Variants in SULT1B1 observed in about 807,000 individuals in gnomAD.
The protein encoded by SULT1B1 is sulfotransferase family 1B member 1, also known as sulfotransferase 1B1.
A neutral mutation model predicts 34.6 loss-of-function variants in SULT1B1; 28 were observed. The observed-to-expected ratio is 0.81, with a 90% CI of 0.60 to 1.11. SULT1B1 has a LOEUF of 1.11. Among genes scored for constraint, SULT1B1 ranks in the 50% least tolerant of loss-of-function variants. The probability of loss-of-function intolerance (pLI) is 0.00; values close to 1 mark genes in which losing one functional copy is unlikely to be tolerated. For synonymous variants in SULT1B1, 147 were observed against 110.2 expected (o/e 1.33, Z -2.09); for missense variants, 374 against 352.2 (o/e 1.06, Z -0.50).
In SULT1B1 at chr4:69,730,530, T is replaced by G; in HGVS notation, c.749A>C (p.Asp250Ala). The G allele has an allele frequency of 6.2e-7, 1 of 1,609,578 alleles. No individual in the cohort carries two copies. The highest frequency in any genetic ancestry group is 8.5e-7 in the Non-Finnish European group (1 of 1,176,388). ...NYTHLPTTVM[D>A]HSKSPFMRKG... ...ACGCATAAAAGGGGATTTGCTATGA[T>G]CCATCACTGTAGTTGGTAGATGTGT... Residue 250 changes from aspartate (D) to alanine (A), a missense_variant, in exon 7 of 8, where the codon GAT becomes GCT. Physicochemically the swap from Asp to Ala is moderately radical, Grantham distance 126 (BLOSUM62 -2). Coordinates refer to ENST00000310613, the MANE Select transcript of SULT1B1 (RefSeq NM_014465.4).
rs547255424 is a variant in SULT1B1 at position 69,749,709 on chromosome 4, T to C, written c.375+12A>G. On this transcript the variant is annotated intron_variant, in intron 4 of 7. Transcript: ENST00000310613. ...GCCATACTAAAAAACTGACATGGAG[T>C]CTGGAGTATACCTTGCAATTGTTTT... The C allele has an allele frequency of 6.3e-7, 1 of 1,595,610 alleles. No homozygotes were observed. Among genetic ancestry groups the C allele is most frequent in the Non-Finnish European group, 8.6e-7 (1 of 1,163,722 alleles).
Position 69,733,394 on chromosome 4 carries a change from T to G in SULT1B1, c.597+19A>C, listed in dbSNP as rs747623899. The G allele has an allele frequency of 1.1e-5, 17 of 1,541,414 alleles. No homozygotes were observed. In the Admixed American group the frequency reaches 1.7e-4, roughly 15 times the overall value. On this transcript the variant is annotated intron_variant, in intron 6 of 7. Transcript: ENST00000310613. Reference sequence around the variant, plus strand: ...GATGCAGTGGGGAAATTATCCAGAATCCATATCTACCATTTTACCTCTTTC... The same window carrying G: ...GATGCAGTGGGGAAATTATCCAGAAGCCATATCTACCATTTTACCTCTTTC...
At chr4:69,756,998 C>T (rs1022472292) in intron 1 of SULT1B1, among the ~76,000 whole-genome samples, 1 of 151,674 alleles carries the variant, frequency 6.6e-6, no homozygotes, top group Non-Finnish European at 1.5e-5. Context: ...CACACACACA[C>T]AAAGTAATTT....
intron 4 of SULT1B1, among the ~76,000 whole-genome samples, chr4:69,742,121 T>C (rs1347128135): frequency 6.6e-6 from 1 of 152,220 alleles, no homozygotes; most frequent in Non-Finnish European, 1.5e-5. Flanking sequence ...TCTAATTTGT[T>C]GAAATGATTT....
chr4:69,759,117 C>T (rs978272577), intron 1 of SULT1B1, among the ~76,000 whole-genome samples: 10 of 152,170 alleles, frequency 6.6e-5, no homozygotes, highest in African/African-American at 2.2e-4. Context: ...ACAAATTGTA[C>T]TGATTGTGCT....
At chr4:69,747,949 G>T in intron 4 of SULT1B1, among the ~76,000 whole-genome samples, 1 of 151,900 alleles carries the variant, frequency 6.6e-6, no homozygotes, top group African/African-American at 2.4e-5. Flanking sequence ...GATTTTTTTG[G>T]AGTATGCCAG....
At chr4:69,758,621 A>G in intron 1 of SULT1B1, 1 of 270,492 alleles carries the variant, frequency 3.7e-6, no homozygotes, top group Non-Finnish European at 5.7e-6. Context: ...TTACTTACCA[A>G]CTCCTATAAT....
chr4:69,758,813 T>C (rs1719287889), intron 1 of SULT1B1, among the ~76,000 whole-genome samples: 1 of 152,202 alleles, frequency 6.6e-6, no homozygotes, highest in East Asian at 1.9e-4. Context: ...TCTTTATTTA[T>C]TCATCTTAAT....
chr4:69,759,481 T>C (rs73826841), intron 1 of SULT1B1, among the ~76,000 whole-genome samples: 11,284 of 152,178 alleles, frequency 0.074, 475 homozygotes, highest in African/African-American at 0.11. Flanking sequence ...AGTAGGAAGA[T>C]GAAAATAAGG....
At position 69,726,181 on chromosome 4, in the gene SULT1B1, T is replaced by A. The variant is rs1717832760; in HGVS notation, c.*907A>T. The A allele has an allele frequency of 6.7e-6, 1 of 149,600 alleles. No individual in the cohort carries two copies. The highest frequency in any genetic ancestry group is 1.5e-5 in the Non-Finnish European group (1 of 67,322). The allele number at this position is 149,600 out of a possible 1,614,324, so 9.3% of individuals were successfully genotyped here. ...TGGGTCAAGAGGGCAGAGTGGAGAT[T>A]CAGCCTAGAGAGTCTTCCTTGGGCA... On this transcript the variant is annotated 3_prime_UTR_variant, in exon 8 of 8. Coordinates refer to ENST00000310613, the MANE Select transcript of SULT1B1 (RefSeq NM_014465.4).
intron 1 of SULT1B1, chr4:69,760,129 AT>A: frequency 2.3e-6 from 1 of 443,910 alleles, no homozygotes; most frequent in Non-Finnish European, 3.0e-6. Flanking sequence ...GCATGAATGC[AT>A]GTGAGTAGGA....
Position 69,727,133 on chromosome 4 carries a change from C to T in SULT1B1, c.846G>A (p.Glu282=). ...AQNEKFDAIY[E]TEMSKTALQF... ...GAAGTGCAGTTTTGGACATTTCTGT[C>T]TCATAAATAGCATCAAATTTCTCAT... Residue 282 remains glutamate, a synonymous_variant, in exon 8 of 8, where the codon GAG becomes GAA. Transcript: ENST00000310613. The T allele has an allele frequency of 6.2e-7, 1 of 1,611,460 alleles. No homozygotes were observed. Among genetic ancestry groups the T allele is most frequent in the Non-Finnish European group, 8.5e-7 (1 of 1,178,616 alleles).
At chr4:69,751,406 G>A (rs1718975558) in intron 3 of SULT1B1, among the ~76,000 whole-genome samples, 1 of 152,140 alleles carries the variant, frequency 6.6e-6, no homozygotes, top group Non-Finnish European at 1.5e-5. Context: ...ATGAGTGTTA[G>A]CAATGTATAA....
chr4:69,742,499 G>A (rs964713623), intron 4 of SULT1B1, among the ~76,000 whole-genome samples: 13 of 152,158 alleles, frequency 8.5e-5, no homozygotes, highest in Non-Finnish European at 1.9e-4. Flanking sequence ...GTCTGGCCCA[G>A]GGGTTTGATA....
intron 7 of SULT1B1, among the ~76,000 whole-genome samples, chr4:69,729,652 A>C (rs1356110123): frequency 1.3e-5 from 2 of 152,128 alleles, no homozygotes; most frequent in Non-Finnish European, 2.9e-5. Flanking sequence ...CTTTTCAAAA[A>C]ATTAATCATA....
intron 4 of SULT1B1, among the ~76,000 whole-genome samples, chr4:69,738,806 G>T (rs1718420384): frequency 1.3e-5 from 2 of 152,150 alleles, no homozygotes; most frequent in South Asian, 4.1e-4. Context: ...CTGTGAGCAT[G>T]TAAAATTGAA....
Position 69,722,063 on chromosome 4 carries a change from A to T in SULT1B1, c.*5025T>A, listed in dbSNP as rs1717679075. On this transcript the variant is annotated 3_prime_UTR_variant, in exon 8 of 8. Coordinates refer to ENST00000310613, the MANE Select transcript of SULT1B1 (RefSeq NM_014465.4). Reference sequence around the variant, plus strand: ...AGTGCCACTGTGTGCTGTTAAACATAAACTGAGGAATTAGGATAGTGACAT... The same window carrying T: ...AGTGCCACTGTGTGCTGTTAAACATTAACTGAGGAATTAGGATAGTGACAT... 2 of 152,138 alleles carry T rather than the reference A, an allele frequency of 1.3e-5. No individual in the cohort carries two copies. Among genetic ancestry groups the T allele is most frequent in the African/African-American group, 2.4e-5 (1 of 41,446 alleles). 9.4% of individuals were successfully genotyped at this position (152,138 alleles called of 1,614,324 possible). A position where few individuals can be genotyped will look rare whatever the true frequency, so the allele number is the denominator to read the frequency against.
Position 69,726,098 on chromosome 4 carries a change from CAT to C in SULT1B1, c.*988_*989del, listed in dbSNP as rs1717830598. Reference sequence around the variant, plus strand: ...TATATATATAAATGTTCCAAGAAAACATAGATCAGAGACCACACAAATAGATA... The same window carrying C: ...TATATATATAAATGTTCCAAGAAAACAGATCAGAGACCACACAAATAGATA... On this transcript the variant is annotated 3_prime_UTR_variant, in exon 8 of 8. Transcript: ENST00000310613. The C allele has an allele frequency of 2.4e-5, 2 of 83,088 alleles. No homozygotes were observed. The highest frequency in any genetic ancestry group is 8.6e-5 in the African/African-American group (2 of 23,328). The allele number at this position is 83,088 out of a possible 1,614,324, so 5.1% of individuals were successfully genotyped here.
rs1717667386 is a variant in SULT1B1 at position 69,721,430 on chromosome 4, C to T, written c.*5658G>A. The T allele has an allele frequency of 6.6e-6, 1 of 152,008 alleles. No individual in the cohort carries two copies. The highest frequency in any genetic ancestry group is 2.1e-4 in the South Asian group (1 of 4,820). 9.4% of individuals were successfully genotyped at this position (152,008 alleles called of 1,614,324 possible). A position where few individuals can be genotyped will look rare whatever the true frequency, so the allele number is the denominator to read the frequency against. On this transcript the variant is annotated 3_prime_UTR_variant, in exon 8 of 8. Transcript: ENST00000310613. The stretch of plus-strand genomic sequence containing the variant: ...ATTGCTGCACAAAATAATTGTTTTC[C>T]CATATATCATTAATATCAAGCATTT...
Sources: allele counts gnomAD v4.1 joint callset (sites outside exome capture counted in the v4.1 genomes callset), GRCh38; gene constraint gnomAD v4.1.1; transcripts MANE v1.5; gene names NCBI Gene and HGNC (gene_info 2026-07-23, HGNC 2026-07-21).